JCAD: variants seen among roughly 807,000 people sequenced by gnomAD.
The protein encoded by JCAD is junctional cadherin 5 associated.
In JCAD, 40 loss-of-function variants were observed where a neutral mutation model predicts 98.0. That is an observed-to-expected ratio of 0.41 (90% CI 0.32 to 0.53). The LOEUF is 0.53. Ranked by LOEUF, JCAD falls within the 20% of genes least tolerant of loss-of-function variation. The pLI, the probability that JCAD is intolerant of heterozygous loss-of-function variation, is 0.31. For missense variants in JCAD, 1,705 were observed against 1,738.1 expected, an observed-to-expected ratio of 0.98 and a Z score of 0.34; for synonymous variants, 691 against 682.3, an observed-to-expected ratio of 1.01 and a Z score of -0.20.
In JCAD at chr10:30,026,894, C is replaced by T; in HGVS notation, c.3254G>A (p.Arg1085Lys). ...EIPPGESLQARAARILGIEVA... is the reference protein window; with the variant it reads ...EIPPGESLQAKAARILGIEVA... ...CTCAATGCCCAGGATCCTTGCAGCC[C>T]TGGCTTGCAAGGACTCACCTGGGGG... The change falls in exon 3 of 4, where the codon AGG (arginine) becomes AAG (lysine). Residue 1085 changes from arginine to lysine, a missense_variant. Physicochemically the swap from Arg to Lys is conservative, Grantham distance 26. Coordinates refer to ENST00000375377, the MANE Select transcript of JCAD (RefSeq NM_020848.4). The T allele has an allele frequency of 6.2e-7, 1 of 1,614,078 alleles. No homozygotes were observed. Among genetic ancestry groups the T allele is most frequent in the African/African-American group, 1.3e-5 (1 of 75,058 alleles).
At chr10:30,083,305 G>A (rs1838117217) in intron 1 of JCAD, among the ~76,000 whole-genome samples, 1 of 152,194 alleles carries the variant, frequency 6.6e-6, no homozygotes, top group African/African-American at 2.4e-5. Context: ...AGAAGCTGGA[G>A]TCAAGTCTCC....
At chr10:30,037,232 T>G (rs1325647504) in intron 2 of JCAD, among the ~76,000 whole-genome samples, 1 of 152,220 alleles carries the variant, frequency 6.6e-6, no homozygotes, top group African/African-American at 2.4e-5. Context: ...CTGCAATTTC[T>G]TTTTTCAGCA....
rs1356962438 is a variant in JCAD at position 30,017,039 on chromosome 10, C to T, written c.*844G>A. ...ACTTCCTTAAAAATCTGCCGCCTAA[C>T]AATTGTTTACATCATAGAAAAATAG... On this transcript the variant is annotated 3_prime_UTR_variant, in exon 4 of 4. Coordinates refer to ENST00000375377, the MANE Select transcript of JCAD (RefSeq NM_020848.4). The T allele has an allele frequency of 2.6e-5, 4 of 152,114 alleles. No homozygotes were observed. Among genetic ancestry groups the T allele is most frequent in the Admixed American group, 6.5e-5 (1 of 15,272 alleles). The allele number at this position is 152,114 out of a possible 1,614,324, so 9.4% of individuals were successfully genotyped here.
upstream of JCAD, among the ~76,000 whole-genome samples, chr10:30,061,925 G>A (rs763939493): frequency 7.9e-5 from 12 of 152,164 alleles, no homozygotes; most frequent in Non-Finnish European, 1.8e-4. Flanking sequence ...CAGACACCTA[G>A]GGAGCCAAGT....
At chr10:30,038,582 C>T (rs910525517) in intron 2 of JCAD, among the ~76,000 whole-genome samples, 1 of 150,100 alleles carries the variant, frequency 6.7e-6, no homozygotes, top group Non-Finnish European at 1.5e-5. Flanking sequence ...CCTAGCTACT[C>T]GAGATGAGCG....
At chr10:30,045,152 G>A (rs1564452329) in intron 2 of JCAD, among the ~76,000 whole-genome samples, 1 of 152,156 alleles carries the variant, frequency 6.6e-6, no homozygotes, top group Non-Finnish European at 1.5e-5. Context: ...TCAGGAACCT[G>A]TTACCACACA....
At chr10:30,073,681 G>GCTTGCTTC (rs1837933692) in intron 1 of JCAD, among the ~76,000 whole-genome samples, 2 of 137,896 alleles carry the variant, frequency 1.5e-5, no homozygotes, top group South Asian at 2.4e-4. Flanking sequence ...TTCCTTCCTT[G>GCTTGCTTC]CTTCCTTCCT....
At chr10:30,019,899 T>A (rs1836622203) in intron 3 of JCAD, among the ~76,000 whole-genome samples, 1 of 151,610 alleles carries the variant, frequency 6.6e-6, no homozygotes, top group Non-Finnish European at 1.5e-5. Flanking sequence ...TATATGCAAT[T>A]TTTGTCAATC....
chr10:30,037,934 T>TAAAAAAA (rs57504197), intron 2 of JCAD, among the ~76,000 whole-genome samples: 2 of 109,330 alleles, frequency 1.8e-5, no homozygotes, highest in African/African-American at 6.8e-5. Flanking sequence ...ATGGAAAAAT[T>TAAAAAAA]AAAAAAAAAA....
At chr10:30,095,873 A>T (rs1297681187) in intron 1 of JCAD, among the ~76,000 whole-genome samples, 1 of 152,206 alleles carries the variant, frequency 6.6e-6, no homozygotes, top group East Asian at 1.9e-4. Flanking sequence ...CCACATTAGT[A>T]AGTGACAGGC....
intron 1 of JCAD, among the ~76,000 whole-genome samples, chr10:30,089,713 A>C (rs1208312511): frequency 6.6e-6 from 1 of 152,176 alleles, no homozygotes; most frequent in Non-Finnish European, 1.5e-5. Flanking sequence ...ATTTATTCAA[A>C]GGGGTAAGAA....
In JCAD at chr10:30,027,718, G is replaced by T; in HGVS notation, c.2430C>A (p.Cys810Ter). ...EVVKGEPTGP[C>*]NSKQLFGQFL... ...ACTGCCCAAAGAGTTGTTTACTGTT[G>T]CAAGGGCCCGTGGGCTCCCCCTTCA... is the stretch of plus-strand genomic sequence containing the variant. The change falls in exon 3 of 4, where the codon TGC becomes TGA. Residue 810 changes from cysteine to a stop codon, truncating the protein, a stop_gained. Transcript: ENST00000375377. LOFTEE classifies it high-confidence loss of function. 1 of 1,614,240 alleles carries T rather than the reference G, an allele frequency of 6.2e-7. No homozygotes were observed. The highest frequency in any genetic ancestry group is 8.5e-7 in the Non-Finnish European group (1 of 1,180,052).
Position 30,050,738 on chromosome 10 carries a change from C to T in JCAD, c.-59-2867G>A, listed in dbSNP as rs138380994. ...ATATTTAGCAAGAATATCTTTCAAT[C>T]GTAGTTAACTGATTCTTCCCTCCCC... On this transcript the variant is annotated intron_variant, in intron 1 of 3. Transcript: ENST00000375377. Among the ~76,000 whole-genome samples, 542 of 152,268 alleles carry T rather than the reference C, an allele frequency of 3.6e-3. 5 individuals are homozygous for T. Among genetic ancestry groups the T allele is most frequent in the Admixed American group, 0.013 (201 of 15,292 alleles).
chr10:30,095,497 T>C (rs1195154880), intron 1 of JCAD, among the ~76,000 whole-genome samples: 1 of 152,246 alleles, frequency 6.6e-6, no homozygotes, highest in Non-Finnish European at 1.5e-5. Context: ...CTTTTCATCT[T>C]ATCCCATTGC....
In JCAD at chr10:30,029,266, C is replaced by T. The variant is rs765743136; in HGVS notation, c.882G>A (p.Lys294=). The T allele has an allele frequency of 5.6e-6, 9 of 1,614,162 alleles. No individual in the cohort carries two copies. In the South Asian group the frequency reaches 8.8e-5, roughly 16 times the overall value. Residue 294 remains lysine (K), a synonymous_variant, in exon 3 of 4, where the codon AAG becomes AAA. Transcript: ENST00000375377. ...FPRPKFGRPL[K]PPSYSSHQQS... ...GCTGGTGCGAGCTGTAAGATGGGGG[C>T]TTGAGGGGCCTCCCAAACTTAGGCC...
At chr10:30,090,267 T>C (rs1276076147) in intron 1 of JCAD, among the ~76,000 whole-genome samples, 1 of 152,222 alleles carries the variant, frequency 6.6e-6, no homozygotes, top group Non-Finnish European at 1.5e-5. Flanking sequence ...ACAGGCCAGT[T>C]GCGGAGGCTC....
At chr10:30,095,106 C>G (rs555241751) in intron 1 of JCAD, among the ~76,000 whole-genome samples, 4 of 152,308 alleles carry the variant, frequency 2.6e-5, no homozygotes, top group Middle Eastern at 6.8e-3. Flanking sequence ...CCCTCTGGCC[C>G]TTGGACGAAC....
At chr10:30,102,984 A>G (rs755059093) in intron 1 of JCAD, among the ~76,000 whole-genome samples, 2 of 152,150 alleles carry the variant, frequency 1.3e-5, no homozygotes, top group Non-Finnish European at 2.9e-5. Flanking sequence ...CCATGATTCA[A>G]TTACCTCTTA....
At chr10:30,089,516 G>A (rs1292934498) in intron 1 of JCAD, among the ~76,000 whole-genome samples, 4 of 99,128 alleles carry the variant, frequency 4.0e-5, no homozygotes, top group African/African-American at 9.7e-5. Flanking sequence ...CTTCTTCCGT[G>A]TGTGTGTGTG....
Sources: gnomAD v4.1 joint callset for allele counts (sites outside exome capture counted in the v4.1 genomes callset) on GRCh38, gnomAD v4.1.1 for gene constraint, MANE v1.5 for transcripts, NCBI Gene and HGNC (gene_info 2026-07-23, HGNC 2026-07-21) for gene names.